Variants in BCAS1 observed in about 807,000 individuals in gnomAD.
BCAS1 encodes the protein brain enriched myelin associated protein 1.
In BCAS1, 46 loss-of-function variants were observed where a neutral mutation model predicts 65.4. The ratio of observed to expected loss-of-function variants is 0.70; its 90% CI spans 0.55 to 0.90. The LOEUF is 0.90. Ranked by LOEUF, BCAS1 falls within the 40% of genes least tolerant of loss-of-function variation. The probability of loss-of-function intolerance (pLI) is 0.00; values close to 1 mark genes in which losing one functional copy is unlikely to be tolerated. For synonymous variants in BCAS1, 298 were observed against 293.5 expected (o/e 1.02, Z -0.16); for missense variants, 793 against 771.2 (o/e 1.03, Z -0.33).
intron 4 of BCAS1, among the ~76,000 whole-genome samples, chr20:54,016,621 G>A (rs1459562012): frequency 2.0e-5 from 3 of 152,114 alleles, no homozygotes; most frequent in Non-Finnish European, 4.4e-5. Context: ...AAAGCGCCAC[G>A]GTGGAAACAA....
rs2089737856 is a variant in BCAS1 at position 53,957,514 on chromosome 20, ACAATGGCCTTCAGC to A, written c.1486-31_1486-18del. ...TTTCACTGACTAAAATAACAAACAG[ACAATGGCCTTCAGC>A]CACAAGTACAGTGACGTGGAGAATG... On this transcript the variant is annotated intron_variant, in intron 10 of 12. Transcript: ENST00000688948. The A allele has an allele frequency of 6.2e-7, 1 of 1,610,670 alleles. No individual in the cohort carries two copies. The highest frequency in any genetic ancestry group is 1.1e-5 in the South Asian group (1 of 91,024).
chr20:54,019,247 A>C (rs768155735), intron 4 of BCAS1, among the ~76,000 whole-genome samples: 3 of 152,220 alleles, frequency 2.0e-5, no homozygotes, highest in Admixed American at 6.5e-5. Flanking sequence ...AAATTGAGCT[A>C]CCTTGTTAGA....
chr20:53,968,000 G>A (rs533457114), intron 9 of BCAS1, among the ~76,000 whole-genome samples: 5 of 152,272 alleles, frequency 3.3e-5, no homozygotes, highest in East Asian at 3.9e-4. Flanking sequence ...TGGCTCCTGG[G>A]CTAAGGATAG....
intron 3 of BCAS1, among the ~76,000 whole-genome samples, chr20:54,039,723 C>T (rs2091958181): frequency 6.6e-6 from 1 of 151,164 alleles, no homozygotes; most frequent in African/African-American, 2.4e-5. Flanking sequence ...GTACATTTAA[C>T]CCGTGTTTAC....
At chr20:54,005,492 T>TA (rs1214012805) in intron 4 of BCAS1, among the ~76,000 whole-genome samples, 1 of 151,678 alleles carries the variant, frequency 6.6e-6, no homozygotes, top group Non-Finnish European at 1.5e-5. Context: ...TGTCTCAAGA[T>TA]AAAAAGAAAA....
intron 4 of BCAS1, among the ~76,000 whole-genome samples, chr20:54,014,231 G>T (rs2091383500): frequency 6.6e-6 from 1 of 152,182 alleles, no homozygotes; most frequent in African/African-American, 2.4e-5. Flanking sequence ...AAAATACCTG[G>T]AAACTGTTTT....
At chr20:54,038,008 T>C (rs290468) in intron 3 of BCAS1, among the ~76,000 whole-genome samples, 80,847 of 150,730 alleles carry the variant, frequency 0.54, 23,326 homozygotes, top group South Asian at 0.61. Context: ...TGTCATTCAT[T>C]TGCATAAAAC....
intron 3 of BCAS1, among the ~76,000 whole-genome samples, chr20:54,056,261 G>A (rs1229486375): frequency 6.6e-6 from 1 of 152,002 alleles, no homozygotes; most frequent in African/African-American, 2.4e-5. Context: ...ACACACCATG[G>A]AATACTACTC....
intron 11 of BCAS1, among the ~76,000 whole-genome samples, chr20:53,954,527 A>G (rs1017560766): frequency 1.3e-5 from 2 of 152,210 alleles, no homozygotes; most frequent in African/African-American, 4.8e-5. Flanking sequence ...CTTTTGCTTC[A>G]TGAAATGGTG....
intron 8 of BCAS1, among the ~76,000 whole-genome samples, chr20:53,977,629 C>T (rs978347120): frequency 6.6e-6 from 1 of 152,154 alleles, no homozygotes; most frequent in Non-Finnish European, 1.5e-5. Context: ...GATTCCATCA[C>T]CAATGTAGAT....
At chr20:54,018,340 C>A (rs1336961559) in intron 4 of BCAS1, among the ~76,000 whole-genome samples, 1 of 151,950 alleles carries the variant, frequency 6.6e-6, no homozygotes, top group Admixed American at 6.6e-5. Context: ...AATCTAAAAT[C>A]ATTCCTGGCA....
intron 12 of BCAS1, 50 bp from the exon 13 acceptor site, chr20:53,945,046 A>C: frequency 1.1e-5 from 17 of 1,500,174 alleles, no homozygotes; most frequent in Non-Finnish European, 1.6e-5. Context: ...CTGTAATGTC[A>C]ACAGCAACAA....
intron 10 of BCAS1, among the ~76,000 whole-genome samples, chr20:53,962,429 T>C (rs1225579019): frequency 6.6e-6 from 1 of 152,114 alleles, no homozygotes; most frequent in African/African-American, 2.4e-5. Flanking sequence ...TGAGGAGGAG[T>C]AAATGAAATA....
chr20:53,985,316 G>A lies in BCAS1; in HGVS notation c.1246C>T (p.Leu416=), dbSNP rs746593011. The A allele has an allele frequency of 1.4e-5, 23 of 1,613,710 alleles. No homozygotes were observed. In the East Asian group the frequency reaches 2.7e-4, roughly 19 times the overall value. Residue 416 remains leucine, a synonymous_variant, in exon 8 of 13, where the codon CTG becomes TTG. Coordinates refer to ENST00000688948, the MANE Select transcript of BCAS1 (RefSeq NM_001366298.2). ...GTKEKSGPTS[L]PLGKLFWKKS... ...TTCCAAAACAGTTTGCCCAGAGGCA[G>A]AGAGGTGGGTCCTGATTTCTCCTTG...
At chr20:53,981,605 T>G (rs1256595096) in intron 8 of BCAS1, among the ~76,000 whole-genome samples, 1 of 151,788 alleles carries the variant, frequency 6.6e-6, no homozygotes, top group East Asian at 1.9e-4. Context: ...TGGCCAATTT[T>G]ATAACTGAAG....
chr20:53,985,239 A>C (rs746732130), intron 8 of BCAS1, 48 bp downstream of exon 8: 11 of 1,561,088 alleles, frequency 7.0e-6, no homozygotes, highest in South Asian at 4.5e-5. Context: ...TAAGTTCTGG[A>C]GTCATCCCCG....
At chr20:53,975,763 G>A (rs1216094441) in intron 8 of BCAS1, among the ~76,000 whole-genome samples, 1 of 152,078 alleles carries the variant, frequency 6.6e-6, no homozygotes, top group Non-Finnish European at 1.5e-5. Context: ...TTTAGTAGTT[G>A]ATGAAAAGAG....
chr20:54,024,410 C>CTCA (rs996168955), intron 4 of BCAS1, among the ~76,000 whole-genome samples: 45 of 152,244 alleles, frequency 3.0e-4, no homozygotes, highest in Non-Finnish European at 1.9e-4. Flanking sequence ...CCATTCTGGA[C>CTCA]ACATTAGGGT....
intron 12 of BCAS1, among the ~76,000 whole-genome samples, chr20:53,950,034 A>G (rs1452161750): frequency 6.6e-6 from 1 of 152,194 alleles, no homozygotes; most frequent in African/African-American, 2.4e-5. Flanking sequence ...TCTCCACCAC[A>G]GCAGCAAAAT....
Sources: gnomAD v4.1 joint callset for allele counts (sites outside exome capture counted in the v4.1 genomes callset) on GRCh38, gnomAD v4.1.1 for gene constraint, MANE v1.5 for transcripts, NCBI Gene and HGNC (gene_info 2026-07-23, HGNC 2026-07-21) for gene names.